Variants in AGPAT5 observed in about 807,000 individuals in gnomAD.
AGPAT5 encodes 1-acyl-sn-glycerol-3-phosphate acyltransferase epsilon.
Under a neutral mutation model 45.6 loss-of-function variants are expected in AGPAT5, and 46 were observed. The observed-to-expected ratio is 1.01, with a 90% confidence interval of 0.80 to 1.29. AGPAT5 has a LOEUF of 1.29. Ranked by LOEUF, AGPAT5 falls within the 50% of genes most tolerant of loss-of-function variation. The probability of loss-of-function intolerance (pLI) is 0.00; values close to 1 mark genes in which losing one functional copy is unlikely to be tolerated. For missense variants in AGPAT5, 673 were observed against 450.7 expected, an observed-to-expected ratio of 1.49 and a Z score of -4.47; for synonymous variants, 272 against 167.0, an observed-to-expected ratio of 1.63 and a Z score of -4.85.
At position 6,721,343 on chromosome 8, in the gene AGPAT5, A is replaced by T. The variant is rs145089749; in HGVS notation, c.220-3527A>T. ...ATTCTTTATAGCTGTACTTCTGTGT[A>T]ATCAAAGACTGGGGAGAGATAGACT... is the stretch of plus-strand genomic sequence containing the variant. On this transcript the variant is annotated intron_variant, in intron 1 of 7. Coordinates refer to ENST00000285518, the MANE Select transcript of AGPAT5 (RefSeq NM_018361.5). Among the ~76,000 whole-genome samples the T allele has an allele frequency of 1.0e-2, 1,518 of 152,358 alleles. 21 individuals carry two copies. The highest frequency in any genetic ancestry group is 0.035 in the African/African-American group (1,463 of 41,582).
chr8:6,731,141 G>A (rs931222114), intron 3 of AGPAT5, among the ~76,000 whole-genome samples: 1 of 152,110 alleles, frequency 6.6e-6, no homozygotes, highest in Non-Finnish European at 1.5e-5. Context: ...GATTATAGGT[G>A]TGAACTGCCA....
At chr8:6,745,469 G>A (rs928697594) in intron 5 of AGPAT5, among the ~76,000 whole-genome samples, 39 of 152,218 alleles carry the variant, frequency 2.6e-4, no homozygotes, top group African/African-American at 8.2e-4. Flanking sequence ...CCAAAGCATC[G>A]TATCATTTGT....
intron 6 of AGPAT5, 23 bp from the exon 7 acceptor site, chr8:6,755,028 G>T (rs1801786989): frequency 1.3e-6 from 2 of 1,541,414 alleles, no homozygotes; most frequent in South Asian, 1.2e-5. Flanking sequence ...TAAAAAAAAA[G>T]AATTATTTTT....
chr8:6,739,862 C>G (rs1029648601), intron 4 of AGPAT5, among the ~76,000 whole-genome samples: 7 of 152,100 alleles, frequency 4.6e-5, no homozygotes, highest in African/African-American at 1.7e-4. Flanking sequence ...ATTCTTTTAT[C>G]CATTCTTTAG....
At chr8:6,747,558 A>T in intron 5 of AGPAT5, 112 bp from the exon 6 acceptor site, 1 of 1,018,652 alleles carries the variant, frequency 9.8e-7, no homozygotes, top group Non-Finnish European at 1.4e-6. Context: ...TTGTGGAATT[A>T]ATAGATTCTG....
At chr8:6,744,912 C>A (rs550452081) in intron 5 of AGPAT5, among the ~76,000 whole-genome samples, 1 of 152,176 alleles carries the variant, frequency 6.6e-6, no homozygotes, top group Admixed American at 6.5e-5. Context: ...TGGAGAACAT[C>A]GTAAGATCAA....
At chr8:6,713,584 C>T (rs1025762775) in intron 1 of AGPAT5, among the ~76,000 whole-genome samples, 2 of 152,182 alleles carry the variant, frequency 1.3e-5, no homozygotes, top group African/African-American at 4.8e-5. Flanking sequence ...GACAGAATCT[C>T]ACACTGTTGC....
intron 2 of AGPAT5, among the ~76,000 whole-genome samples, chr8:6,728,989 T>C (rs1800777765): frequency 6.6e-6 from 1 of 152,202 alleles, no homozygotes; most frequent in South Asian, 2.1e-4. Context: ...GTCTCTGGGA[T>C]CATACACTGT....
chr8:6,734,245 C>T (rs548084083), intron 4 of AGPAT5, among the ~76,000 whole-genome samples: 2 of 151,294 alleles, frequency 1.3e-5, no homozygotes, highest in South Asian at 2.1e-4. Flanking sequence ...ATGCATTATT[C>T]GTTTTTTGTT....
intron 4 of AGPAT5, among the ~76,000 whole-genome samples, chr8:6,736,914 C>T (rs1176974261): frequency 4.6e-5 from 7 of 152,212 alleles, no homozygotes. Flanking sequence ...TCTTATGAGT[C>T]TTGTAAATCA....
rs1427840761 is a variant in AGPAT5, at chr8:6,754,688, C to T, written c.746-363C>T. 3.3e-5 allele frequency among the ~76,000 whole-genome samples: 5 copies of T among 152,060 alleles called. 1 individual carries two copies. The South Asian group carries it at 6.2e-4, about 19-fold the overall frequency. ...TGGGGCTGGTGGTGGTAGGCATTTG[C>T]GGGTCCCTTCAGAGAGGTGAGTATG... On this transcript the variant is annotated intron_variant, in intron 6 of 7. Coordinates refer to ENST00000285518, the MANE Select transcript of AGPAT5 (RefSeq NM_018361.5).
At chr8:6,727,004 C>A (rs1273138662) in intron 2 of AGPAT5, among the ~76,000 whole-genome samples, 1 of 152,096 alleles carries the variant, frequency 6.6e-6, no homozygotes, top group Admixed American at 6.5e-5. Flanking sequence ...TTCAGAGACC[C>A]CTAAAGCCTA....
rs78042153 is a variant in AGPAT5 at position 6,719,866 on chromosome 8, A to G, written c.220-5004A>G. Among the ~76,000 whole-genome samples, 74 of 152,320 alleles carry G rather than the reference A, an allele frequency of 4.9e-4. No individual in the cohort carries two copies. The East Asian group carries it at 0.014, about 28-fold the overall frequency. On this transcript the variant is annotated intron_variant, in intron 1 of 7. Transcript: ENST00000285518. Reference sequence around the variant, plus strand: ...GACGAAAATGGAAGGTTTGGAGTCAATGCAAAGGGGGATATGATCAGAAGA... The same window carrying G: ...GACGAAAATGGAAGGTTTGGAGTCAGTGCAAAGGGGGATATGATCAGAAGA...
chr8:6,743,610 G>A (rs1018913331), intron 5 of AGPAT5, among the ~76,000 whole-genome samples: 1 of 152,196 alleles, frequency 6.6e-6, no homozygotes, highest in African/African-American at 2.4e-5. Flanking sequence ...TGCAGGCACT[G>A]TGGTAATATT....
intron 1 of AGPAT5, among the ~76,000 whole-genome samples, chr8:6,717,493 C>A (rs558767943): frequency 1.3e-5 from 2 of 151,988 alleles, no homozygotes; most frequent in South Asian, 2.1e-4. Flanking sequence ...TAGTCTCTAC[C>A]GTAAAGTAAC....
intron 1 of AGPAT5, among the ~76,000 whole-genome samples, chr8:6,710,654 T>C (rs1394933276): frequency 1.3e-5 from 2 of 152,230 alleles, no homozygotes; most frequent in Non-Finnish European, 2.9e-5. Context: ...CAGGGTATTT[T>C]GAATTTATTA....
chr8:6,708,711 C>T lies in AGPAT5; in HGVS notation c.43C>T (p.Leu15=), dbSNP rs1425091716. 4.4e-6 allele frequency: 7 copies of T among 1,605,972 alleles called. No homozygotes were observed. Among genetic ancestry groups the T allele is most frequent in the African/African-American group, 1.3e-5 (1 of 75,040 alleles). The change falls in exon 1 of 8, where the codon CTG becomes TTG. Residue 15 remains leucine (L), a synonymous_variant. Transcript: ENST00000285518. ...GCTCCACACGTACTCCATGCGCTAC[C>T]TGCTGCCCAGCGTCGTGCTCCTGGG... ...LVLHTYSMRY[L]LPSVVLLGTA... is the part of the protein sequence containing the mutation.
chr8:6,740,444 ATCT>A (rs756752471), intron 4 of AGPAT5, among the ~76,000 whole-genome samples: 9 of 149,640 alleles, frequency 6.0e-5, no homozygotes, highest in Non-Finnish European at 1.3e-4. Context: ...GATCTGGTGA[ATCT>A]TCATTATTAA....
chr8:6,727,117 G>A (rs1255211419), intron 2 of AGPAT5, among the ~76,000 whole-genome samples: 5 of 152,202 alleles, frequency 3.3e-5, no homozygotes, highest in South Asian at 2.1e-4. Flanking sequence ...TGTAATTAGC[G>A]GAAAGAATAT....
Sources: allele counts gnomAD v4.1 joint callset (sites outside exome capture counted in the v4.1 genomes callset), GRCh38; gene constraint gnomAD v4.1.1; transcripts MANE v1.5; gene names NCBI Gene and HGNC (gene_info 2026-07-23, HGNC 2026-07-21).